Variants in FBXL5 observed in about 807,000 individuals in gnomAD.
The protein encoded by FBXL5 is F-box/LRR-repeat protein 5.
A neutral mutation model predicts 78.3 loss-of-function variants in FBXL5; 26 were observed. The observed-to-expected ratio is 0.33, with a 90% confidence interval of 0.24 to 0.46. The LOEUF is 0.46. FBXL5 is among the 20% of genes least tolerant of loss of function. FBXL5 has a pLI of 1.00. For missense variants in FBXL5, 710 were observed against 829.2 expected, an observed-to-expected ratio of 0.86 and a Z score of 1.77; for synonymous variants, 295 against 282.5, an observed-to-expected ratio of 1.04 and a Z score of -0.45.
At chr4:15,666,978 G>A (rs1233258370) in intron 1 of FBXL5, among the ~76,000 whole-genome samples, 2 of 151,754 alleles carry the variant, frequency 1.3e-5, no homozygotes, top group Non-Finnish European at 2.9e-5. Context: ...TCTCATAAAT[G>A]TATACAATTA....
upstream of FBXL5, among the ~76,000 whole-genome samples, chr4:15,656,053 CTG>C (rs1716902048): frequency 6.6e-6 from 1 of 152,240 alleles, no homozygotes; most frequent in South Asian, 2.1e-4. Flanking sequence ...AAAACAGTAT[CTG>C]GGGATCCAGG....
chr4:15,605,755 C>T lies in FBXL5; in HGVS notation c.2044G>A (p.Gly682Ser). The T allele has an allele frequency of 6.2e-7, 1 of 1,613,726 alleles. No homozygotes were observed. The highest frequency in any genetic ancestry group is 1.1e-5 in the South Asian group (1 of 91,054). ...CCAGAGCGGCAGCAGGCTCGAAAACCACACTGCAAATTCTGGCATCCACTG... is the reference window on the plus strand; with the variant it reads ...CCAGAGCGGCAGCAGGCTCGAAAACTACACTGCAAATTCTGGCATCCACTG... ...TASGCQNLQC[G>S]FRACCRSGE is the part of the protein sequence containing the mutation. Residue 682 changes from glycine (G) to serine (S), a missense_variant, in exon 11 of 11, where the codon GGT (glycine) becomes AGT (serine). Transcript: ENST00000341285.
Position 15,655,315 on chromosome 4 carries a change from A to AGCCGCG in FBXL5, c.-34_-29dup. 2 of 1,365,640 alleles carry AGCCGCG rather than the reference A, an allele frequency of 1.5e-6. No individual in the cohort carries two copies. The highest frequency in any genetic ancestry group is 1.9e-6 in the Non-Finnish European group (2 of 1,032,552). The allele number at this position is 1,365,640 out of a possible 1,614,324, so 84.6% of individuals were successfully genotyped here. ...CCACTGCCTCAGCCTCCGCCTCAGC[A>AGCCGCG]GCCGCGGCCGCCGCCTCTCCATAGA... On this transcript the variant is annotated 5_prime_UTR_variant, in exon 1 of 11. Coordinates refer to ENST00000341285, the MANE Select transcript of FBXL5 (RefSeq NM_012161.4).
rs1251167755 is a variant in FBXL5 at position 15,655,283 on chromosome 4, G to A, written c.5C>T (p.Ala2Val). 2 of 1,426,758 alleles carry A rather than the reference G, an allele frequency of 1.4e-6. No individual in the cohort carries two copies. The highest frequency in any genetic ancestry group is 9.3e-7 in the Non-Finnish European group (1 of 1,069,774). The allele number at this position is 1,426,758 out of a possible 1,614,324, so 88.4% of individuals were successfully genotyped here. The change falls in exon 1 of 11, where the codon GCG (alanine) becomes GTG (valine). Residue 2 changes from alanine to valine, a missense_variant. Transcript: ENST00000341285. ...GACGTCCACTTCTTCAGGAAAGGGCGCCATCGCCACTGCCTCAGCCTCCGC... is the reference window on the plus strand; with the variant it reads ...GACGTCCACTTCTTCAGGAAAGGGCACCATCGCCACTGCCTCAGCCTCCGC... MAPFPEEVDVFT... is the reference protein window; with the variant it reads MVPFPEEVDVFT...
In FBXL5 at chr4:15,625,426, G is replaced by A. The variant is rs1240834698; in HGVS notation, c.1676C>T (p.Thr559Ile). The change falls in exon 9 of 11, where the codon ACT becomes ATT. Residue 559 changes from threonine (T) to isoleucine (I), a missense_variant. Thr to Ile is a moderately conservative substitution (Grantham distance 89, BLOSUM62 -1). This residue lies in a region of FBXL5 where 517 missense variants were observed against 542.9 expected (regional missense o/e 0.95). Transcript: ENST00000341285. ...SFCCTGTALR[T>I]MSSLPESSAM... ...AGAAGATTCTGGGAGTGATGACATA[G>A]TTCTTAAAGCTGTTCCTGTACAACA... 1 of 1,614,122 alleles carries A rather than the reference G, an allele frequency of 6.2e-7. No individual in the cohort carries two copies. Among genetic ancestry groups the A allele is most frequent in the East Asian group, 2.2e-5 (1 of 44,878 alleles).
upstream of FBXL5, chr4:15,656,298 C>A: frequency 2.2e-6 from 1 of 456,236 alleles, no homozygotes; most frequent in South Asian, 1.5e-5. Flanking sequence ...AGACTCTGTT[C>A]TCTGCTCACG....
Position 15,625,830 on chromosome 4 carries a change from G to C in FBXL5, c.1272C>G (p.Ser424Arg). The stretch of plus-strand genomic sequence containing the variant: ...TTTTCCACGCAGTTGAAGTAATTTT[G>C]CTTGTAGATGTTTTCAAAAAGCCAC... ...HQSGFLKTST[S>R]KITSTAWKNK... The change falls in exon 9 of 11, where the codon AGC (serine) becomes AGG (arginine). Residue 424 changes from serine to arginine, a missense_variant. Ser to Arg is a moderately radical substitution (Grantham distance 110). Around this residue, in one of 4 missense-constraint regions of FBXL5, gnomAD observed 517 missense variants for 542.9 expected, o/e 0.95. Coordinates refer to ENST00000341285, the MANE Select transcript of FBXL5 (RefSeq NM_012161.4). 6.2e-7 allele frequency: 1 copy of C among 1,614,042 alleles called. No homozygotes were observed. Among genetic ancestry groups the C allele is most frequent in the South Asian group, 1.1e-5 (1 of 91,072 alleles).
At chr4:15,673,448 AT>A (rs1286053898) in intron 1 of FBXL5, among the ~76,000 whole-genome samples, 1 of 152,190 alleles carries the variant, frequency 6.6e-6, no homozygotes, top group East Asian at 1.9e-4. Flanking sequence ...CTCAAAAAAA[AT>A]AAAGATAAAA....
intron 10 of FBXL5, among the ~76,000 whole-genome samples, chr4:15,607,965 G>A (rs181610842): frequency 1.5e-4 from 23 of 152,200 alleles, no homozygotes; most frequent in Admixed American, 1.4e-3. Flanking sequence ...ACATCGATAG[G>A]TTCTTAGAAA....
intron 3 of FBXL5, 48 bp from the exon 4 acceptor site, chr4:15,638,742 A>C (rs1714530939): frequency 8.4e-7 from 1 of 1,195,726 alleles, no homozygotes; most frequent in Non-Finnish European, 1.2e-6. Context: ...ATTCGTGTTG[A>C]TTTACTCTAA....
rs1352342333 is a variant in FBXL5 at position 15,638,553 on chromosome 4, G to A, written c.538C>T (p.Arg180Ter). 1 of 1,599,984 alleles carries A rather than the reference G, an allele frequency of 6.3e-7. No individual in the cohort carries two copies. Among genetic ancestry groups the A allele is most frequent in the Non-Finnish European group, 8.5e-7 (1 of 1,176,174 alleles). ...GLSLWNHAEERQKFFKYSVDE... is the reference protein window; with the variant it reads ...GLSLWNHAEE Reference sequence around the variant, plus strand: ...ACGGAATATTTAAAAAACTTCTGTCGCTCTTCAGCATGATTCCATAGGCTA... The same window carrying A: ...ACGGAATATTTAAAAAACTTCTGTCACTCTTCAGCATGATTCCATAGGCTA... Residue 180 changes from arginine (R) to a stop codon, truncating the protein, a stop_gained, in exon 4 of 11, where the codon CGA becomes TGA. Transcript: ENST00000341285. LOFTEE classifies it high-confidence loss of function.
intron 1 of FBXL5, among the ~76,000 whole-genome samples, chr4:15,649,545 A>G (rs1365766063): frequency 6.9e-6 from 1 of 145,750 alleles, no homozygotes; most frequent in East Asian, 2.0e-4. Flanking sequence ...ACACCACTGC[A>G]CTCCAGCCTG....
exon 1 of FBXL5, chr4:15,681,532 G>C (rs937940697): frequency 1.5e-4 from 23 of 157,106 alleles, no homozygotes; most frequent in Non-Finnish European, 1.9e-4. Context: ...CCAGCTCAGA[G>C]GCAGAGTTCT....
chr4:15,656,298 C>G, upstream of FBXL5: 1 of 456,236 alleles, frequency 2.2e-6, no homozygotes, highest in Non-Finnish European at 4.4e-6. Flanking sequence ...AGACTCTGTT[C>G]TCTGCTCACG....
At chr4:15,609,262 A>G (rs994122746) in intron 10 of FBXL5, among the ~76,000 whole-genome samples, 1 of 152,166 alleles carries the variant, frequency 6.6e-6, no homozygotes, top group African/African-American at 2.4e-5. Flanking sequence ...AATAAAGAAA[A>G]TAGAAAAATA....
rs746650159 is a variant in FBXL5, at chr4:15,640,750, G to A, written c.396+38C>T. On this transcript the variant is annotated intron_variant, in intron 3 of 10. Transcript: ENST00000341285. ...TAAAGCAAAATAGTATTTTAAGAAT[G>A]TTATAAATCTAAATCACGAAAGAAA... 4 of 1,107,754 alleles carry A rather than the reference G, an allele frequency of 3.6e-6. No homozygotes were observed. The East Asian group carries it at 1.0e-4, about 29-fold the overall frequency. The allele number at this position is 1,107,754 out of a possible 1,614,324, so 68.6% of individuals were successfully genotyped here. A position where few individuals can be genotyped will look rare whatever the true frequency, so the allele number is the denominator to read the frequency against.
intron 1 of FBXL5, among the ~76,000 whole-genome samples, chr4:15,649,704 G>GA (rs973797647): frequency 6.6e-6 from 1 of 151,414 alleles, no homozygotes; most frequent in Non-Finnish European, 1.5e-5. Context: ...ACTTTATGGA[G>GA]AAAAAAAACC....
At chr4:15,653,508 C>A (rs1030648091) in intron 1 of FBXL5, among the ~76,000 whole-genome samples, 1 of 152,110 alleles carries the variant, frequency 6.6e-6, no homozygotes, top group African/African-American at 2.4e-5. Flanking sequence ...GCTACAAACA[C>A]CCTAGGAAAA....
intron 1 of FBXL5, among the ~76,000 whole-genome samples, chr4:15,671,565 C>T (rs957212202): frequency 2.6e-5 from 4 of 152,144 alleles, no homozygotes; most frequent in South Asian, 2.1e-4. Flanking sequence ...TGAGCCACCA[C>T]GCCTGGGTGG....
Sources: allele counts gnomAD v4.1 joint callset (sites outside exome capture counted in the v4.1 genomes callset), GRCh38; gene constraint gnomAD v4.1.1; regional missense constraint gnomAD v4.1.1; transcripts MANE v1.5; gene names NCBI Gene and HGNC (gene_info 2026-07-23, HGNC 2026-07-21).